The following PTPRC variants were observed in gnomAD, a reference collection of about 807,000 sequenced individuals.
PTPRC encodes the protein protein tyrosine phosphatase receptor type C, also known as receptor-type tyrosine-protein phosphatase C.
Under a neutral mutation model 155.9 loss-of-function variants are expected in PTPRC, and 44 were observed. That is an observed-to-expected ratio of 0.28 (90% CI 0.22 to 0.36). The LOEUF is 0.36. Ranked by LOEUF, PTPRC falls within the 10% of genes least tolerant of loss-of-function variation. The pLI is 1.00. For missense variants in PTPRC, 1,401 were observed against 1,564.6 expected (o/e 0.90, Z 1.76); for synonymous variants, 525 against 533.1 (o/e 0.98, Z 0.21).
intron 16 of PTPRC, 87 bp from the exon 17 acceptor site, chr1:198,729,050 T>G (rs768076503): frequency 1.2e-5 from 18 of 1,455,460 alleles, no homozygotes; most frequent in Non-Finnish European, 1.6e-5. Context: ...CTTTGTTCCT[T>G]CAATATATTC....
intron 10 of PTPRC, 39 bp from the exon 11 acceptor site, chr1:198,709,648 T>G: frequency 6.9e-7 from 1 of 1,449,964 alleles, no homozygotes; most frequent in East Asian, 2.4e-5. Flanking sequence ...CGTGAAATAT[T>G]GCATCGATAT....
At chr1:198,664,573 A>G (rs1241209668) in intron 2 of PTPRC, among the ~76,000 whole-genome samples, 2 of 152,228 alleles carry the variant, frequency 1.3e-5, no homozygotes, top group African/African-American at 4.8e-5. Flanking sequence ...TGATGACAAA[A>G]TCTGATACAG....
At chr1:198,658,191 C>G (rs1052864948) in intron 2 of PTPRC, among the ~76,000 whole-genome samples, 9 of 152,104 alleles carry the variant, frequency 5.9e-5, no homozygotes, top group African/African-American at 1.9e-4. Context: ...CAGTGCCTAT[C>G]GTTACAGAGT....
chr1:198,731,437 A>G (rs1285640051), intron 17 of PTPRC, among the ~76,000 whole-genome samples, 180 bp from the exon 18 acceptor site: 3 of 152,042 alleles, frequency 2.0e-5, no homozygotes, highest in Non-Finnish European at 4.4e-5. Flanking sequence ...TCTGAAGTAC[A>G]AGATTGAAAA....
chr1:198,748,613 A>G (rs1234765981), intron 27 of PTPRC, among the ~76,000 whole-genome samples: 2 of 151,770 alleles, frequency 1.3e-5, no homozygotes, highest in Non-Finnish European at 3.0e-5. Context: ...TTTATCCCTT[A>G]TAACTGGGAG....
At chr1:198,722,499 A>G in intron 15 of PTPRC, 23 bp downstream of exon 15, 1 of 1,295,470 alleles carries the variant, frequency 7.7e-7, no homozygotes, top group East Asian at 2.7e-5. Flanking sequence ...TGGGCTATTT[A>G]TTATATATAT....
At chr1:198,717,704 G>C (rs1463237287) in intron 13 of PTPRC, among the ~76,000 whole-genome samples, 1 of 152,090 alleles carries the variant, frequency 6.6e-6, no homozygotes, top group African/African-American at 2.4e-5. Context: ...GATAACATTA[G>C]CACTCCGGGA....
chr1:198,736,041 T>G (rs1654621887), intron 23 of PTPRC, among the ~76,000 whole-genome samples: 1 of 151,576 alleles, frequency 6.6e-6, no homozygotes, highest in Admixed American at 6.6e-5. Flanking sequence ...AAATGAATTT[T>G]ATTTTTAATT....
At chr1:198,676,234 A>G (rs756940230) in intron 2 of PTPRC, among the ~76,000 whole-genome samples, 1 of 152,222 alleles carries the variant, frequency 6.6e-6, no homozygotes, top group Non-Finnish European at 1.5e-5. Context: ...GAGTTTTAAA[A>G]TGGTGACTAG....
At position 198,756,566 on chromosome 1, in the gene PTPRC, G is replaced by GTGT. The variant is rs570228964; in HGVS notation, c.*387_*389dup. On this transcript the variant is annotated 3_prime_UTR_variant, in exon 33 of 33. Coordinates refer to ENST00000442510, the MANE Select transcript of PTPRC (RefSeq NM_002838.5). ...AGAAAAAATACATTTTATATTAGAAGTGTTAACTTAGCTTGAAGGATCTGT... is the reference window on the plus strand; with the variant it reads ...AGAAAAAATACATTTTATATTAGAAGTGTTGTTAACTTAGCTTGAAGGATCTGT... 2.1e-4 allele frequency: 41 copies of GTGT among 196,640 alleles called. No homozygotes were observed. Among genetic ancestry groups the GTGT allele is most frequent in the Non-Finnish European group, 3.2e-4 (30 of 95,148 alleles). 12.2% of individuals were successfully genotyped at this position (196,640 alleles called of 1,614,324 possible).
At chr1:198,638,721 C>T (rs12142420), upstream of PTPRC, 1,721 of 153,964 alleles carry the variant, frequency 0.011, 18 homozygotes, top group Non-Finnish European at 0.013. Context: ...TTGATACTTT[C>T]TACTAAGTCA....
At chr1:198,679,983 C>T in intron 2 of PTPRC, 1 of 619,368 alleles carries the variant, frequency 1.6e-6, no homozygotes, top group African/African-American at 1.9e-5. Context: ...AGTGCTGCGG[C>T]TGCCCGTCCA....
At chr1:198,754,245 T>A in intron 31 of PTPRC, 24 bp from the exon 32 acceptor site, 3 of 1,595,382 alleles carry the variant, frequency 1.9e-6, no homozygotes, top group Non-Finnish European at 2.6e-6. Flanking sequence ...TAGGATTATT[T>A]TCTATCTTTT....
chr1:198,699,799 T>A, intron 5 of PTPRC, 95 bp downstream of exon 5: 4 of 1,506,338 alleles, frequency 2.7e-6, no homozygotes, highest in Non-Finnish European at 3.7e-6. Context: ...ACTTATTCAA[T>A]GTGCAGCTAT....
rs547684980 is a variant in PTPRC, at chr1:198,753,611, T to G, written c.3510-658T>G. Among the ~76,000 whole-genome samples the G allele has an allele frequency of 1.8e-3, 275 of 152,084 alleles. 2 individuals are homozygous for G. Among genetic ancestry groups the G allele is most frequent in the South Asian group, 4.1e-3 (20 of 4,824 alleles). ...TGGAAAGAAAGCTGAGGAAGGGAAGTTTACACTGTAAAACTATATATGTTT... is the reference window on the plus strand; with the variant it reads ...TGGAAAGAAAGCTGAGGAAGGGAAGGTTACACTGTAAAACTATATATGTTT... On this transcript the variant is annotated intron_variant, in intron 31 of 32. Transcript: ENST00000442510.
intron 2 of PTPRC, among the ~76,000 whole-genome samples, chr1:198,642,896 C>CTTTCTTCCTTT: frequency 1.3e-5 from 1 of 79,322 alleles, no homozygotes; most frequent in African/African-American, 4.5e-5. Flanking sequence ...TTTTTCTTTT[C>CTTTCTTCCTTT]TTTCTTTCTT....
At chr1:198,661,975 A>G (rs932668273) in intron 2 of PTPRC, among the ~76,000 whole-genome samples, 2 of 152,176 alleles carry the variant, frequency 1.3e-5, no homozygotes, top group Non-Finnish European at 2.9e-5. Flanking sequence ...TGGACTGGAC[A>G]CAGCACTTCA....
At chr1:198,726,676 G>A (rs1654147706) in intron 15 of PTPRC, among the ~76,000 whole-genome samples, 1 of 150,674 alleles carries the variant, frequency 6.6e-6, no homozygotes, top group South Asian at 2.1e-4. Flanking sequence ...GCAGCTGTTT[G>A]CTTGATAGAG....
chr1:198,741,394 C>G (rs139660208), intron 23 of PTPRC, among the ~76,000 whole-genome samples: 1 of 151,902 alleles, frequency 6.6e-6, no homozygotes, highest in Non-Finnish European at 1.5e-5. Flanking sequence ...AGACTTTGCT[C>G]ACATATGAAT....
Sources: gnomAD v4.1 joint callset for allele counts (sites outside exome capture counted in the v4.1 genomes callset) on GRCh38, gnomAD v4.1.1 for gene constraint, MANE v1.5 for transcripts, NCBI Gene and HGNC (gene_info 2026-07-23, HGNC 2026-07-21) for gene names.